Variants in RBFOX3 observed in about 807,000 individuals in gnomAD.
RBFOX3 encodes the protein RNA binding fox-1 homolog 3, also known as RNA binding protein fox-1 homolog 3.
A neutral mutation model predicts 48.7 loss-of-function variants in RBFOX3; 17 were observed. The observed-to-expected ratio is 0.35, with a 90% CI of 0.24 to 0.52. The LOEUF (loss-of-function observed/expected upper bound fraction) is 0.52. RBFOX3 is among the 20% of genes least tolerant of loss of function. The pLI, the probability that RBFOX3 is intolerant of heterozygous loss-of-function variation, is 0.94. For missense variants in RBFOX3, 382 were observed against 497.5 expected (o/e 0.77, Z 2.21); for synonymous variants, 212 against 209.5 (o/e 1.01, Z -0.10).
intron 3 of RBFOX3, among the ~76,000 whole-genome samples, chr17:79,276,181 T>G (rs2068773418): frequency 6.6e-6 from 1 of 152,146 alleles, no homozygotes; most frequent in East Asian, 1.9e-4. Flanking sequence ...CATCCAGGGA[T>G]GGAGAGCAGA....
intron 1 of RBFOX3, among the ~76,000 whole-genome samples, chr17:79,528,494 C>T (rs1284677791): frequency 6.6e-6 from 1 of 151,798 alleles, no homozygotes; most frequent in Admixed American, 6.6e-5. Context: ...CTCTGAGGTA[C>T]CTCTGAGGGG....
At chr17:79,215,056 C>T (rs756222859) in intron 4 of RBFOX3, among the ~76,000 whole-genome samples, 3 of 152,170 alleles carry the variant, frequency 2.0e-5, no homozygotes, top group East Asian at 1.9e-4. Flanking sequence ...ATGAGCCCAC[C>T]CCCTGGCTCC....
intron 1 of RBFOX3, among the ~76,000 whole-genome samples, chr17:79,582,857 G>A (rs1048615125): frequency 6.0e-5 from 9 of 149,538 alleles, no homozygotes; most frequent in Non-Finnish European, 1.2e-4. Flanking sequence ...GCCCTGCCCT[G>A]TGTGATTGCC....
rs2066811944 is a variant in RBFOX3 at position 79,423,524 on chromosome 17, C to A, written c.-175+58930G>T. Among the ~76,000 whole-genome samples the A allele has an allele frequency of 6.6e-6, 1 of 152,092 alleles. No individual in the cohort carries two copies. On this transcript the variant is annotated intron_variant, in intron 2 of 14. Coordinates refer to ENST00000693108, the MANE Select transcript of RBFOX3 (RefSeq NM_001350451.2). This position sits in a 1 kb window ranked among gnomAD's most constrained non-coding sequence, Gnocchi z 4.9. ...TCACATCCTGCCAGCGCTGCCGGTA[C>A]CCAGCACCTGGGGTTCTCCGCTATC... is the stretch of plus-strand genomic sequence containing the variant.
intron 4 of RBFOX3, among the ~76,000 whole-genome samples, chr17:79,173,772 G>A (rs569439769): frequency 4.9e-4 from 74 of 152,228 alleles, no homozygotes; most frequent in Admixed American, 1.2e-3. Flanking sequence ...TTCTCCCACC[G>A]TGTCTTGCCA....
chr17:79,212,857 C>T lies in RBFOX3; in HGVS notation c.-34+22909G>A, dbSNP rs1325887796. On this transcript the variant is annotated intron_variant, in intron 4 of 14. Coordinates refer to ENST00000693108, the MANE Select transcript of RBFOX3 (RefSeq NM_001350451.2). The surrounding 1 kb of genome is among the most constrained non-coding windows in gnomAD (Gnocchi z 4.7). ...CCTGGGGCCTGGAAACAGATGTCAC[C>T]TCAGCTACAGTGTTTGAGTTGGAGT... 1.3e-5 allele frequency among the ~76,000 whole-genome samples: 2 copies of T among 152,142 alleles called. No individual in the cohort carries two copies. Among genetic ancestry groups the T allele is most frequent in the Admixed American group, 6.5e-5 (1 of 15,274 alleles).
At position 79,473,607 on chromosome 17, in the gene RBFOX3, A is replaced by G. The variant is rs1488351777; in HGVS notation, c.-175+8847T>C. ...CTTGGGTTTATCTTTGCTTGCTTTCAGGCCCTCCCATAATGTTGACATCCT... is the reference window on the plus strand; with the variant it reads ...CTTGGGTTTATCTTTGCTTGCTTTCGGGCCCTCCCATAATGTTGACATCCT... On this transcript the variant is annotated intron_variant, in intron 2 of 14. Transcript: ENST00000693108. The surrounding 1 kb of genome is among the most constrained non-coding windows in gnomAD (Gnocchi z 4.2). Among the ~76,000 whole-genome samples, 1 of 152,094 alleles carries G rather than the reference A, an allele frequency of 6.6e-6. No homozygotes were observed. The highest frequency in any genetic ancestry group is 2.4e-5 in the African/African-American group (1 of 41,398).
At chr17:79,412,996 C>G (rs1197703850) in intron 2 of RBFOX3, among the ~76,000 whole-genome samples, 1 of 152,164 alleles carries the variant, frequency 6.6e-6, no homozygotes, top group Non-Finnish European at 1.5e-5. Flanking sequence ...CTCTGACAGC[C>G]AGAGGAACCA....
intron 2 of RBFOX3, among the ~76,000 whole-genome samples, chr17:79,404,660 C>CG (rs1422629946): frequency 6.6e-6 from 1 of 152,108 alleles, no homozygotes; most frequent in Admixed American, 6.6e-5. Context: ...CCTCACCACC[C>CG]CTGTGGGTCC....
intron 2 of RBFOX3, among the ~76,000 whole-genome samples, chr17:79,406,733 AAAAT>A (rs1400752025): frequency 6.6e-6 from 1 of 152,178 alleles, no homozygotes; most frequent in African/African-American, 2.4e-5. Context: ...TTTGCTTCAT[AAAAT>A]TCTGGGGCTA....
chr17:79,317,413 C>T (rs2077690147), intron 2 of RBFOX3, among the ~76,000 whole-genome samples: 1 of 152,342 alleles, frequency 6.6e-6, no homozygotes, highest in Admixed American at 6.5e-5. Flanking sequence ...CTGGTGAAGC[C>T]CCCACGGGTT....
At position 79,375,628 on chromosome 17, in the gene RBFOX3, G is replaced by A. The variant is rs577862213; in HGVS notation, c.-174-67804C>T. Among the ~76,000 whole-genome samples, 727 of 152,304 alleles carry A rather than the reference G, an allele frequency of 4.8e-3. 2 individuals carry two copies. Among genetic ancestry groups the A allele is most frequent in the Admixed American group, 0.011 (163 of 15,308 alleles). On this transcript the variant is annotated intron_variant, in intron 2 of 14. Transcript: ENST00000693108. ...AAGTTTCTGGGGGCTGAGCAGACTC[G>A]GGCAAGTGGCTGCAGTGATGGAGGT...
At chr17:79,285,897 G>A (rs1405202301) in intron 3 of RBFOX3, among the ~76,000 whole-genome samples, 1 of 152,126 alleles carries the variant, frequency 6.6e-6, no homozygotes, top group Admixed American at 6.5e-5. Context: ...TGAGCAGGCT[G>A]GTCTTGAACT....
the RBFOX3 span, among the ~76,000 whole-genome samples, chr17:79,664,536 T>C: frequency 6.6e-6 from 1 of 152,078 alleles, no homozygotes; most frequent in South Asian, 2.1e-4. Flanking sequence ...TTAGTAGAGA[T>C]GGGGTTTCAC....
At chr17:79,257,130 G>A (rs1373224638) in intron 3 of RBFOX3, among the ~76,000 whole-genome samples, 1 of 152,056 alleles carries the variant, frequency 6.6e-6, no homozygotes, top group Non-Finnish European at 1.5e-5. Context: ...GTAGCACTGG[G>A]AAGCCGGAAT....
At chr17:79,372,059 T>G (rs1483629405) in intron 2 of RBFOX3, among the ~76,000 whole-genome samples, 1 of 152,084 alleles carries the variant, frequency 6.6e-6, no homozygotes, top group Non-Finnish European at 1.5e-5. Flanking sequence ...ACGCTTCATT[T>G]GGGCCTAGCA....
At chr17:79,269,359 G>A (rs185717722) in intron 3 of RBFOX3, among the ~76,000 whole-genome samples, 26 of 152,182 alleles carry the variant, frequency 1.7e-4, no homozygotes, top group Admixed American at 1.3e-3. Context: ...AGTTTATTAC[G>A]GTGGCCCCAG....
chr17:79,378,814 C>A (rs76202827), intron 2 of RBFOX3, among the ~76,000 whole-genome samples: 7,924 of 152,274 alleles, frequency 0.052, 664 homozygotes, highest in African/African-American at 0.18. Flanking sequence ...CCCCCGGAAC[C>A]CTTTCCCCAC....
chr17:79,406,137 C>A (rs1466965783), intron 2 of RBFOX3, among the ~76,000 whole-genome samples: 1 of 152,230 alleles, frequency 6.6e-6, no homozygotes, highest in Non-Finnish European at 1.5e-5. Flanking sequence ...GTGAACAGAG[C>A]TGTTGGGAAC....
Sources: allele counts gnomAD v4.1 joint callset (sites outside exome capture counted in the v4.1 genomes callset), GRCh38; gene constraint gnomAD v4.1.1; non-coding constraint Gnocchi (gnomAD v3.1); transcripts MANE v1.5; gene names NCBI Gene and HGNC (gene_info 2026-07-23, HGNC 2026-07-21).